Variants in NUS1 observed in about 807,000 individuals in gnomAD.
NUS1 encodes NUS1 dehydrodolichyl diphosphate synthase subunit, also known as dehydrodolichyl diphosphate synthase complex subunit NUS1.
For missense variants in NUS1, 292 were observed against 382.9 expected, an observed-to-expected ratio of 0.76 and a Z score of 1.98; for synonymous variants, 135 against 155.2, an observed-to-expected ratio of 0.87 and a Z score of 0.97.
chr6:117,678,467 T>C (rs1773014879), intron 1 of NUS1, among the ~76,000 whole-genome samples: 1 of 152,056 alleles, frequency 6.6e-6, no homozygotes, highest in African/African-American at 2.4e-5. Context: ...AAATATGTGG[T>C]AATGTAAGTG....
intron 3 of NUS1, among the ~76,000 whole-genome samples, chr6:117,694,652 A>G (rs1773290054): frequency 6.6e-6 from 1 of 152,084 alleles, no homozygotes. Flanking sequence ...GTCATGTTAT[A>G]CCAAATATAA....
Position 117,690,299 on chromosome 6 carries a change from C to T in NUS1, c.416-2743C>T, listed in dbSNP as rs181760982. On this transcript the variant is annotated intron_variant, in intron 1 of 4. Coordinates refer to ENST00000368494, the MANE Select transcript of NUS1 (RefSeq NM_138459.5). ...TTCATAATTATTGTGGGCATTCATACGTAGTGCCATCTTAGCCTTCTACTT... is the reference window on the plus strand; with the variant it reads ...TTCATAATTATTGTGGGCATTCATATGTAGTGCCATCTTAGCCTTCTACTT... 1.9e-3 allele frequency among the ~76,000 whole-genome samples: 286 copies of T among 148,352 alleles called. 1 individual carries two copies. The highest frequency in any genetic ancestry group is 6.9e-3 in the African/African-American group (263 of 38,306).
chr6:117,676,184 C>T, intron 1 of NUS1, 99 bp downstream of exon 1: 1 of 1,521,988 alleles, frequency 6.6e-7, no homozygotes, highest in South Asian at 1.2e-5. Flanking sequence ...GCCGCGGCCT[C>T]TCTGCAAATC....
chr6:117,680,890 C>T (rs1773052339), intron 1 of NUS1, among the ~76,000 whole-genome samples: 2 of 152,172 alleles, frequency 1.3e-5, no homozygotes, highest in South Asian at 2.1e-4. Context: ...TTATTTAAAT[C>T]GAAGCTAGGT....
chr6:117,680,010 A>C (rs2114677692), intron 1 of NUS1, among the ~76,000 whole-genome samples: 1 of 152,302 alleles, frequency 6.6e-6, no homozygotes, highest in Admixed American at 6.5e-5. Context: ...TCAAATTTGT[A>C]CTTAAATTCG....
At chr6:117,706,832 ATTC>A in intron 4 of NUS1, 90 bp from the exon 5 acceptor site, 1 of 959,884 alleles carries the variant, frequency 1.0e-6, no homozygotes, top group Non-Finnish European at 1.7e-6. Context: ...GGTGTATTCT[ATTC>A]TTAACTTCTT....
At chr6:117,687,963 C>G (rs1470605558) in intron 1 of NUS1, among the ~76,000 whole-genome samples, 1 of 152,040 alleles carries the variant, frequency 6.6e-6, no homozygotes, top group African/African-American at 2.4e-5. Context: ...GCCTGTAATC[C>G]CAATACTTTT....
chr6:117,682,283 C>T (rs968858890), intron 1 of NUS1, among the ~76,000 whole-genome samples: 4 of 152,104 alleles, frequency 2.6e-5, no homozygotes, highest in Non-Finnish European at 2.9e-5. Flanking sequence ...TTTTGTTTAA[C>T]TATAGTACTG....
Position 117,709,095 on chromosome 6 carries a change from T to C in NUS1, c.*2080T>C, listed in dbSNP as rs1424346523. On this transcript the variant is annotated 3_prime_UTR_variant, in exon 5 of 5. Transcript: ENST00000368494. ...ACTAGGATTCTGATTTCAGATGTAG[T>C]CATTCCAGAACCTTCTCTTTATGAG... 6.6e-6 allele frequency: 1 copy of C among 152,142 alleles called. No individual in the cohort carries two copies. The highest frequency in any genetic ancestry group is 1.5e-5 in the Non-Finnish European group (1 of 67,982). 9.4% of individuals were successfully genotyped at this position (152,142 alleles called of 1,614,324 possible). A position where few individuals can be genotyped will look rare whatever the true frequency, so the allele number is the denominator to read the frequency against.
rs768720571 is a variant in NUS1 at position 117,693,146 on chromosome 6, A to G, written c.520A>G (p.Ser174Gly). 16 of 1,612,790 alleles carry G rather than the reference A, an allele frequency of 9.9e-6. No homozygotes were observed. The highest frequency in any genetic ancestry group is 1.4e-5 in the Non-Finnish European group (16 of 1,179,104). The change falls in exon 2 of 5, where the codon AGT (serine) becomes GGT (glycine). Residue 174 changes from serine (S) to glycine (G), a missense_variant. Physicochemically the swap from Ser to Gly is moderately conservative, Grantham distance 56. Transcript: ENST00000368494. ...AAAATACTCACCAGAATTTGCAAAT[A>G]GTAATGACAAAGATGATCAAGGTAA... ...CSKYSPEFAN[S>G]NDKDDQVLNC...
intron 4 of NUS1, among the ~76,000 whole-genome samples, chr6:117,706,388 G>A (rs1024054329): frequency 6.6e-6 from 1 of 152,088 alleles, no homozygotes; most frequent in Non-Finnish European, 1.5e-5. Context: ...CTCTGACCAA[G>A]GAGAAATTCT....
chr6:117,703,442 G>A (rs1773457034), intron 3 of NUS1, among the ~76,000 whole-genome samples, 163 bp from the exon 4 acceptor site: 1 of 152,160 alleles, frequency 6.6e-6, no homozygotes, highest in Non-Finnish European at 1.5e-5. Context: ...TTACAGAGTT[G>A]GGGGTGGGGC....
At chr6:117,681,299 A>C (rs2114678553) in intron 1 of NUS1, among the ~76,000 whole-genome samples, 1 of 152,300 alleles carries the variant, frequency 6.6e-6, no homozygotes, top group East Asian at 1.9e-4. Context: ...CTAGATTATA[A>C]GCTCCACAGA....
At chr6:117,685,563 G>A (rs1388081435) in intron 1 of NUS1, among the ~76,000 whole-genome samples, 1 of 151,936 alleles carries the variant, frequency 6.6e-6, no homozygotes, top group Non-Finnish European at 1.5e-5. Flanking sequence ...CATTGCTCAG[G>A]CTGGTGTCAA....
rs1243087169 is a variant in NUS1, at chr6:117,707,911, T to C, written c.*896T>C. 1 of 152,382 alleles carries C rather than the reference T, an allele frequency of 6.6e-6. No individual in the cohort carries two copies. Among genetic ancestry groups the C allele is most frequent in the Non-Finnish European group, 1.5e-5 (1 of 68,034 alleles). The allele number at this position is 152,382 out of a possible 1,614,324, so 9.4% of individuals were successfully genotyped here. A position where few individuals can be genotyped will look rare whatever the true frequency, so the allele number is the denominator to read the frequency against. Reference sequence around the variant, plus strand: ...TATTATAAATGGAAAGAAAGTTTTATTTCCTTTTTTGTTTGATGGGCAGTA... The same window carrying C: ...TATTATAAATGGAAAGAAAGTTTTACTTCCTTTTTTGTTTGATGGGCAGTA... On this transcript the variant is annotated 3_prime_UTR_variant, in exon 5 of 5. Coordinates refer to ENST00000368494, the MANE Select transcript of NUS1 (RefSeq NM_138459.5).
At chr6:117,684,511 C>T (rs926817496) in intron 1 of NUS1, among the ~76,000 whole-genome samples, 2 of 152,104 alleles carry the variant, frequency 1.3e-5, no homozygotes, top group African/African-American at 4.8e-5. Context: ...TATCCTGGTC[C>T]CTGTATAATC....
chr6:117,698,517 C>G (rs892918310), intron 3 of NUS1, among the ~76,000 whole-genome samples: 1 of 150,810 alleles, frequency 6.6e-6, no homozygotes, highest in Non-Finnish European at 1.5e-5. Context: ...GAGGTTGAAG[C>G]TGAAGTAATG....
At chr6:117,691,028 A>G (rs1773210090) in intron 1 of NUS1, among the ~76,000 whole-genome samples, 1 of 151,556 alleles carries the variant, frequency 6.6e-6, no homozygotes, top group South Asian at 2.1e-4. Context: ...TACCTAGGAT[A>G]AAAGCCATGG....
chr6:117,691,572 T>TATAG (rs1434863912), intron 1 of NUS1, among the ~76,000 whole-genome samples: 1 of 145,824 alleles, frequency 6.9e-6, no homozygotes, highest in Non-Finnish European at 1.5e-5. Flanking sequence ...TATATATATA[T>TATAG]ATATATATAT....
Sources: allele counts gnomAD v4.1 joint callset (sites outside exome capture counted in the v4.1 genomes callset), GRCh38; gene constraint gnomAD v4.1.1; transcripts MANE v1.5; gene names NCBI Gene and HGNC (gene_info 2026-07-23, HGNC 2026-07-21).